Variants in ZNF347 observed in about 807,000 individuals in gnomAD.
ZNF347 encodes CTD-2620I22.7.
A neutral mutation model predicts 12.9 loss-of-function variants in ZNF347; 19 were observed. The observed-to-expected ratio is 1.47, with a 90% CI of 1.03 to 2.16. The LOEUF (loss-of-function observed/expected upper bound fraction) is 2.16. Among genes scored for constraint, ZNF347 ranks in the 30% most tolerant of loss-of-function variants. The pLI, the probability that ZNF347 is intolerant of heterozygous loss-of-function variation, is 0.00. For synonymous variants in ZNF347, 328 were observed against 340.6 expected, an observed-to-expected ratio of 0.96 and a Z score of 0.41; for missense variants, 1,005 against 990.6, an observed-to-expected ratio of 1.01 and a Z score of -0.19.
intron 4 of ZNF347, 91 bp from the exon 5 acceptor site, chr19:53,142,647 A>G (rs974251393): frequency 4.0e-6 from 4 of 999,474 alleles, no homozygotes; most frequent in Middle Eastern, 2.8e-4. Flanking sequence ...CCGAAAAACA[A>G]TATTAAACCA....
rs1393891955 is a variant in ZNF347, at chr19:53,140,362, CACGTT to C, written c.2461_2465del (p.Asn821ValfsTer33). 2.5e-6 allele frequency: 4 copies of C among 1,593,216 alleles called. No individual in the cohort carries two copies. The African/African-American group carries it at 5.4e-5, about 22-fold the overall frequency. On this transcript the variant is annotated frameshift_variant, in exon 5 of 5. Coordinates refer to ENST00000334197, the MANE Select transcript of ZNF347 (RefSeq NM_032584.3). LOFTEE classifies it low-confidence loss of function (END_TRUNC). ...TGAACTCTGACTTTAGAACTTTCCACACGTTACATTTGTAAGGTTTCCCACCAGTA... is the reference window on the plus strand; with the variant it reads ...TGAACTCTGACTTTAGAACTTTCCACACATTTGTAAGGTTTCCCACCAGTA...
chr19:53,149,477 T>C lies in ZNF347; in HGVS notation c.16-110A>G. The C allele has an allele frequency of 2.6e-6, 4 of 1,566,364 alleles. No individual in the cohort carries two copies. The South Asian group carries it at 3.4e-5, about 13-fold the overall frequency. ...TGGAGTAAGTGGGCCGATATCCAAG[T>C]TGTGATATAATAAAATATACATATG... On this transcript the variant is annotated intron_variant, in intron 2 of 4. Coordinates refer to ENST00000334197, the MANE Select transcript of ZNF347 (RefSeq NM_032584.3).
At chr19:53,156,157 G>C (rs77526707) in intron 1 of ZNF347, among the ~76,000 whole-genome samples, 15,765 of 151,756 alleles carry the variant, frequency 0.1, 897 homozygotes, top group Middle Eastern at 0.14. Context: ...CCAGCACTTT[G>C]GGAGGCCAAG....
chr19:53,139,025 T>C lies in ZNF347; in HGVS notation c.*1283A>G, dbSNP rs2090402723. 1 of 152,192 alleles carries C rather than the reference T, an allele frequency of 6.6e-6. No homozygotes were observed. Among genetic ancestry groups the C allele is most frequent in the Non-Finnish European group, 1.5e-5 (1 of 68,026 alleles). The allele number at this position is 152,192 out of a possible 1,614,324, so 9.4% of individuals were successfully genotyped here. On this transcript the variant is annotated 3_prime_UTR_variant, in exon 5 of 5. Transcript: ENST00000334197. ...AATAAGCCTATTTTTCATCAATCTC[T>C]GCTATAAAACAGCTATTGCCATTCA...
intron 2 of ZNF347, among the ~76,000 whole-genome samples, chr19:53,152,396 CA>C (rs2090504536): frequency 6.7e-6 from 1 of 150,214 alleles, no homozygotes; most frequent in South Asian, 2.1e-4. Flanking sequence ...CACTTCAGGT[CA>C]AAAGTTTGGG....
In ZNF347 at chr19:53,135,517, C is replaced by G. The variant is rs1430094259; in HGVS notation, c.*4791G>C. The G allele has an allele frequency of 6.6e-6, 1 of 151,896 alleles. No homozygotes were observed. Among genetic ancestry groups the G allele is most frequent in the African/African-American group, 2.4e-5 (1 of 41,352 alleles). 9.4% of individuals were successfully genotyped at this position (151,896 alleles called of 1,614,324 possible). A position where few individuals can be genotyped will look rare whatever the true frequency, so the allele number is the denominator to read the frequency against. ...CCTCCCGAATAGCTGGGATTACAGGCGCCCGCCATCACACCCAGCTAATTT... is the reference window on the plus strand; with the variant it reads ...CCTCCCGAATAGCTGGGATTACAGGGGCCCGCCATCACACCCAGCTAATTT... On this transcript the variant is annotated 3_prime_UTR_variant, in exon 5 of 5. Coordinates refer to ENST00000334197, the MANE Select transcript of ZNF347 (RefSeq NM_032584.3).
Position 53,148,678 on chromosome 19 carries a change from T to C in ZNF347, c.271+3A>G. 1.2e-6 allele frequency: 2 copies of C among 1,612,176 alleles called. No individual in the cohort carries two copies. Among genetic ancestry groups the C allele is most frequent in the African/African-American group, 2.7e-5 (2 of 75,004 alleles). On this transcript the variant is annotated splice_donor_region_variant and intron_variant, in intron 4 of 4. Coordinates refer to ENST00000334197, the MANE Select transcript of ZNF347 (RefSeq NM_032584.3). ...CATTTTCTCTACCCATCTGAACTCT[T>C]ACCTGTGATCACAGCTTTGATCCAT...
rs762463647 is a variant in ZNF347, at chr19:53,148,795, C to A, written c.157G>T (p.Asp53Tyr). The A allele has an allele frequency of 1.2e-6, 2 of 1,613,062 alleles. No individual in the cohort carries two copies. The highest frequency in any genetic ancestry group is 1.7e-6 in the Non-Finnish European group (2 of 1,179,596). The change falls in exon 4 of 5, where the codon GAC becomes TAC. Residue 53 changes from aspartate to tyrosine, a missense_variant. Coordinates refer to ENST00000334197, the MANE Select transcript of ZNF347 (RefSeq NM_032584.3). ...NLASLGISCF[D>Y]LSIISMLEQG... Reference sequence around the variant, plus strand: ...TCCAACATAGAGATAATACTGAGGTCAAAACAAGAGATTCCTGCTTATGAA... The same window carrying A: ...TCCAACATAGAGATAATACTGAGGTAAAAACAAGAGATTCCTGCTTATGAA...
intron 1 of ZNF347, among the ~76,000 whole-genome samples, chr19:53,156,873 G>C (rs2090539225): frequency 6.6e-6 from 1 of 152,176 alleles, no homozygotes; most frequent in East Asian, 1.9e-4. Context: ...TCAGAATTGA[G>C]TTAAACTATA....
rs10402434 is a variant in ZNF347 at position 53,151,847 on chromosome 19, C to A, written c.15+1886G>T. 2.6e-3 allele frequency among the ~76,000 whole-genome samples: 391 copies of A among 152,214 alleles called. 3 individuals are homozygous for A. The highest frequency in any genetic ancestry group is 9.0e-3 in the African/African-American group (375 of 41,538). On this transcript the variant is annotated intron_variant, in intron 2 of 4. Coordinates refer to ENST00000334197, the MANE Select transcript of ZNF347 (RefSeq NM_032584.3). ...CAGTGGCTCACACCTGTAATCCCAG[C>A]ACTTCGGGAGGCCGAGGAGGGCGGA... is the stretch of plus-strand genomic sequence containing the variant.
At chr19:53,152,113 C>T (rs2090502424) in intron 2 of ZNF347, among the ~76,000 whole-genome samples, 2 of 124,974 alleles carry the variant, frequency 1.6e-5, no homozygotes, top group Non-Finnish European at 3.5e-5. Flanking sequence ...AAAAAAAAAT[C>T]ATGATGTGTG....
Position 53,140,915 on chromosome 19 carries a change from G to C in ZNF347, c.1913C>G (p.Ser638Ter), listed in dbSNP as rs763529915. The change falls in exon 5 of 5, where the codon TCA becomes TGA. Residue 638 changes from serine to a stop codon, truncating the protein, a stop_gained. Coordinates refer to ENST00000334197, the MANE Select transcript of ZNF347 (RefSeq NM_032584.3). LOFTEE classifies it low-confidence loss of function (END_TRUNC). The stretch of plus-strand genomic sequence containing the variant: ...GATGACCTGATGGGTAGTTAGGTTT[G>C]AATGTTCACTAAAGGCTTTGCCATA... The part of the protein sequence containing the change: ...NEYGKAFSEH[S>*]NLTTHQVIHT... The C allele has an allele frequency of 1.1e-5, 17 of 1,613,492 alleles. No homozygotes were observed. The South Asian group carries it at 1.2e-4, about 11-fold the overall frequency.
Position 53,140,193 on chromosome 19 carries a change from CCCAG to C in ZNF347, c.*111_*114del. ...GGGATTACAGGCATGAGCCACTGCACCCAGCCAGTCATTGCATTTTCAAGGAATC... is the reference window on the plus strand; with the variant it reads ...GGGATTACAGGCATGAGCCACTGCACCCAGTCATTGCATTTTCAAGGAATC... On this transcript the variant is annotated 3_prime_UTR_variant, in exon 5 of 5. Coordinates refer to ENST00000334197, the MANE Select transcript of ZNF347 (RefSeq NM_032584.3). The C allele has an allele frequency of 1.8e-6, 2 of 1,107,012 alleles. No homozygotes were observed. Among genetic ancestry groups the C allele is most frequent in the African/African-American group, 1.6e-5 (1 of 63,652 alleles). 68.6% of individuals were successfully genotyped at this position (1,107,012 alleles called of 1,614,324 possible).
chr19:53,153,910 A>G, intron 1 of ZNF347, 117 bp from the exon 2 acceptor site: 3 of 725,444 alleles, frequency 4.1e-6, no homozygotes, highest in Non-Finnish European at 7.0e-6. Flanking sequence ...CACACAGGGA[A>G]GACCTCACCC....
intron 4 of ZNF347, among the ~76,000 whole-genome samples, chr19:53,144,008 T>C (rs2090446364): frequency 6.6e-6 from 1 of 152,222 alleles, no homozygotes; most frequent in Non-Finnish European, 1.5e-5. Context: ...AGCAATGAAT[T>C]AAAACATACT....
At chr19:53,149,040 A>C (rs757457846) in intron 3 of ZNF347, 47 of 1,197,250 alleles carry the variant, frequency 3.9e-5, no homozygotes, top group Non-Finnish European at 5.2e-5. Flanking sequence ...GGAATTGGAT[A>C]TTTTAAAAGT....
chr19:53,146,421 C>T (rs774950221), intron 4 of ZNF347, among the ~76,000 whole-genome samples: 10 of 151,980 alleles, frequency 6.6e-5, no homozygotes, highest in African/African-American at 9.7e-5. Context: ...ACTACAGAAA[C>T]GCACTACCAT....
Position 53,135,342 on chromosome 19 carries a change from A to ATG in ZNF347, c.*4965_*4966insCA, listed in dbSNP as rs2090382137. Reference sequence around the variant, plus strand: ...TATATATATATATATATATATATAGAGAGAGAGAGAGAGAGAGAGAGAGAG... The same window carrying ATG: ...TATATATATATATATATATATATAGATGGAGAGAGAGAGAGAGAGAGAGAGAG... On this transcript the variant is annotated 3_prime_UTR_variant, in exon 5 of 5. Coordinates refer to ENST00000334197, the MANE Select transcript of ZNF347 (RefSeq NM_032584.3). 1.1e-5 allele frequency: 1 copy of ATG among 91,304 alleles called. No homozygotes were observed. The highest frequency in any genetic ancestry group is 2.3e-5 in the Non-Finnish European group (1 of 42,854). The allele number at this position is 91,304 out of a possible 1,614,324, so 5.7% of individuals were successfully genotyped here.
rs2090381414 is a variant in ZNF347, at chr19:53,135,335, T to TAG, written c.*4972_*4973insCT. 3 of 79,316 alleles carry TAG rather than the reference T, an allele frequency of 3.8e-5. No homozygotes were observed. The highest frequency in any genetic ancestry group is 4.1e-4 in the South Asian group (1 of 2,436). 4.9% of individuals were successfully genotyped at this position (79,316 alleles called of 1,614,324 possible). A position where few individuals can be genotyped will look rare whatever the true frequency, so the allele number is the denominator to read the frequency against. ...ATATATATATATATATATATATATA[T>TAG]ATATAGAGAGAGAGAGAGAGAGAGA... On this transcript the variant is annotated 3_prime_UTR_variant, in exon 5 of 5. Coordinates refer to ENST00000334197, the MANE Select transcript of ZNF347 (RefSeq NM_032584.3).
Sources: allele counts gnomAD v4.1 joint callset (sites outside exome capture counted in the v4.1 genomes callset), GRCh38; gene constraint gnomAD v4.1.1; transcripts MANE v1.5; gene names NCBI Gene and HGNC (gene_info 2026-07-23, HGNC 2026-07-21).